The following CASP8 variants were observed in gnomAD, a reference collection of about 807,000 sequenced individuals.
CASP8 encodes caspase-8.
Under a neutral mutation model 46.3 loss-of-function variants are expected in CASP8, and 24 were observed. The ratio of observed to expected loss-of-function variants is 0.52; its 90% CI spans 0.38 to 0.73. The LOEUF (loss-of-function observed/expected upper bound fraction) is 0.73. Ranked by LOEUF, CASP8 falls within the 30% of genes least tolerant of loss-of-function variation. The pLI is 0.00. For synonymous variants in CASP8, 188 were observed against 200.4 expected, an observed-to-expected ratio of 0.94 and a Z score of 0.52; for missense variants, 460 against 559.0, an observed-to-expected ratio of 0.82 and a Z score of 1.79.
intron 2 of CASP8, among the ~76,000 whole-genome samples, chr2:201,251,876 G>A (rs1337792159): frequency 6.6e-6 from 1 of 151,840 alleles, no homozygotes; most frequent in Non-Finnish European, 1.5e-5. Flanking sequence ...TTGCACTCCA[G>A]CCTGGGAGAC....
chr2:201,269,852 A>G (rs1165315524), intron 2 of CASP8, among the ~76,000 whole-genome samples: 3 of 152,340 alleles, frequency 2.0e-5, no homozygotes, highest in South Asian at 2.1e-4. Flanking sequence ...AAGAAAGCCT[A>G]TAGGCTTCAA....
rs1438923103 is a variant in CASP8, at chr2:201,275,088, A to C, written c.660+135A>C. ...TACTGAAAATTTTGAGAACTGTAGA[A>C]AAAATTCACACAAAAAAAGTTAAAA... is the stretch of plus-strand genomic sequence containing the variant. On this transcript the variant is annotated intron_variant, in intron 6 of 8. Coordinates refer to ENST00000673742, the MANE Select transcript of CASP8 (RefSeq NM_001372051.1). The C allele has an allele frequency of 5.7e-6, 4 of 698,202 alleles. No homozygotes were observed. In the African/African-American group the frequency reaches 7.3e-5, roughly 13 times the overall value. The allele number at this position is 698,202 out of a possible 1,614,324, so 43.3% of individuals were successfully genotyped here. A position where few individuals can be genotyped will look rare whatever the true frequency, so the allele number is the denominator to read the frequency against.
At chr2:201,257,996 C>CA, upstream of CASP8, 1 of 515,514 alleles carries the variant, frequency 1.9e-6, no homozygotes, top group Non-Finnish European at 3.5e-6. Flanking sequence ...GGAAATTGGG[C>CA]ATCTGTTCCT....
At chr2:201,247,623 C>T (rs1054617992) in intron 2 of CASP8, among the ~76,000 whole-genome samples, 2 of 149,772 alleles carry the variant, frequency 1.3e-5, no homozygotes, top group Non-Finnish European at 3.0e-5. Context: ...GGACTACAAG[C>T]GTGTGCCACC....
intron 2 of CASP8, among the ~76,000 whole-genome samples, chr2:201,236,972 C>T (rs1242245109): frequency 1.3e-5 from 2 of 152,158 alleles, no homozygotes; most frequent in Non-Finnish European, 1.5e-5. Flanking sequence ...TCTATCCCCA[C>T]CCTCCTGAAT....
rs76241442 is a variant in CASP8, at chr2:201,244,050, C to T, written c.-27+9938C>T. ...ATCCTTTGATTTTTCAGAGCCCAAG[C>T]GAGAAACATAGGCTACCCCATCATG... On this transcript the variant is annotated intron_variant, in intron 2 of 6. Coordinates refer to the CASP8 transcript ENST00000264274. Among the ~76,000 whole-genome samples, 143 of 152,238 alleles carry T rather than the reference C, an allele frequency of 9.4e-4. 1 individual carries two copies. Among genetic ancestry groups the T allele is most frequent in the African/African-American group, 3.3e-3 (136 of 41,542 alleles).
At chr2:201,281,873 A>G (rs775598901) in intron 7 of CASP8, 2 of 1,483,960 alleles carry the variant, frequency 1.3e-6, no homozygotes, top group Non-Finnish European at 1.8e-6. Context: ...AAATATTAGA[A>G]GCCTGCAGAA....
Position 201,284,856 on chromosome 2 carries a change from C to A in CASP8, c.843C>A (p.Ile281=), listed in dbSNP as rs199934929. 6.9e-5 allele frequency: 111 copies of A among 1,614,124 alleles called. No homozygotes were observed. In the East Asian group the frequency reaches 2.5e-3, roughly 36 times the overall value. The change falls in exon 8 of 9, where the codon ATC becomes ATA. Residue 281 remains isoleucine (I), a synonymous_variant. Coordinates refer to ENST00000673742, the MANE Select transcript of CASP8 (RefSeq NM_001372051.1). The part of the protein sequence containing the change: ...TTTFEELHFE[I]KPHDDCTVEQ... ...CCTTTGAAGAGCTTCATTTTGAGAT[C>A]AAGCCCCACGATGACTGCACAGTAG...
chr2:201,263,115 C>T (rs546243904), intron 1 of CASP8, among the ~76,000 whole-genome samples: 5 of 152,256 alleles, frequency 3.3e-5, no homozygotes, highest in Non-Finnish European at 7.4e-5. Flanking sequence ...CTTATTATAT[C>T]CAAATTCATG....
intron 5 of CASP8, among the ~76,000 whole-genome samples, 188 bp from the exon 6 acceptor site, chr2:201,274,701 T>C (rs1170631398): frequency 6.6e-6 from 1 of 152,234 alleles, no homozygotes; most frequent in East Asian, 1.9e-4. Flanking sequence ...GGTCTTGAAC[T>C]CCTGACCTCA....
At chr2:201,280,149 C>T (rs1167808710) in intron 7 of CASP8, among the ~76,000 whole-genome samples, 3 of 152,138 alleles carry the variant, frequency 2.0e-5, no homozygotes, top group East Asian at 1.9e-4. Flanking sequence ...AGGGACAGAA[C>T]AAGCAAGTCT....
intron 2 of CASP8, among the ~76,000 whole-genome samples, chr2:201,248,979 C>T (rs1946653990): frequency 6.6e-6 from 1 of 152,174 alleles, no homozygotes; most frequent in African/African-American, 2.4e-5. Flanking sequence ...ACAACCTCTG[C>T]CTCCTGGGTT....
intron 2 of CASP8, among the ~76,000 whole-genome samples, chr2:201,246,524 G>A (rs1946528672): frequency 6.6e-6 from 1 of 152,158 alleles, no homozygotes; most frequent in Admixed American, 6.5e-5. Flanking sequence ...ATCATCAAAT[G>A]TTTGGACAGA....
chr2:201,283,011 C>A (rs1949215466), intron 7 of CASP8, among the ~76,000 whole-genome samples: 1 of 72,416 alleles, frequency 1.4e-5, no homozygotes, highest in Non-Finnish European at 3.4e-5. Flanking sequence ...CCCCCCACCT[C>A]CCTCCCGGAC....
intron 2 of CASP8, among the ~76,000 whole-genome samples, chr2:201,238,556 C>T (rs1946156851): frequency 6.6e-6 from 1 of 152,038 alleles, no homozygotes; most frequent in Non-Finnish European, 1.5e-5. Context: ...ATTCTCCTGC[C>T]TCAGCCTCCC....
chr2:201,252,014 C>T (rs1946810230), intron 2 of CASP8, among the ~76,000 whole-genome samples: 1 of 152,156 alleles, frequency 6.6e-6, no homozygotes, highest in South Asian at 2.1e-4. Context: ...CACATCCTTG[C>T]CAATGTTTGG....
At chr2:201,271,784 T>G (rs1559356698) in intron 3 of CASP8, among the ~76,000 whole-genome samples, 163 bp downstream of exon 3, 2 of 152,178 alleles carry the variant, frequency 1.3e-5, no homozygotes, top group African/African-American at 4.8e-5. Context: ...GTGATTCCTT[T>G]AGACCGAAGT....
upstream of CASP8, among the ~76,000 whole-genome samples, chr2:201,257,122 G>A (rs933798754): frequency 1.3e-5 from 2 of 151,890 alleles, no homozygotes; most frequent in African/African-American, 4.8e-5. Flanking sequence ...TCCAGCCTGG[G>A]CAACAAGAGC....
intron 2 of CASP8, among the ~76,000 whole-genome samples, chr2:201,244,414 A>T (rs1167116648): frequency 6.6e-6 from 1 of 152,134 alleles, no homozygotes; most frequent in East Asian, 1.9e-4. Context: ...TTAGATTCCC[A>T]CTTCTCCCTC....
Sources: gnomAD v4.1 joint callset for allele counts (sites outside exome capture counted in the v4.1 genomes callset) on GRCh38, gnomAD v4.1.1 for gene constraint, MANE v1.5 for transcripts, NCBI Gene and HGNC (gene_info 2026-07-23, HGNC 2026-07-21) for gene names.